The following NUP214 variants were observed in gnomAD, a reference collection of about 807,000 sequenced individuals.
NUP214 encodes the protein nuclear pore complex protein Nup214.
A neutral mutation model predicts 196.2 loss-of-function variants in NUP214; 79 were observed. The observed-to-expected ratio is 0.40, with a 90% CI of 0.34 to 0.49. NUP214 has a LOEUF of 0.49. Ranked by LOEUF, NUP214 falls within the 20% of genes least tolerant of loss-of-function variation. NUP214 has a pLI of 0.58. For synonymous variants in NUP214, 1,020 were observed against 990.5 expected (o/e 1.03, Z -0.56); for missense variants, 2,468 against 2,539.0 (o/e 0.97, Z 0.60).
chr9:131,139,374 G>T lies in NUP214; in HGVS notation c.1099G>T (p.Val367Leu), dbSNP rs150858876. 6.2e-7 allele frequency: 1 copy of T among 1,605,248 alleles called. No individual in the cohort carries two copies. The highest frequency in any genetic ancestry group is 1.4e-5 in the African/African-American group (1 of 73,932). Residue 367 changes from valine to leucine, a missense_variant, in exon 10 of 36, where the codon GTA becomes TTA. Physicochemically the swap from Val to Leu is conservative, Grantham distance 32. Transcript: ENST00000359428. Reference protein sequence around the residue: ...SDDSLPMGVVVDYTNQVEITI... With the variant: ...SDDSLPMGVVLDYTNQVEITI... ...TGACTCCTTGCCCATGGGAGTTGTCGTAGACTATACAAACCAAGTGGAAAT... is the reference window on the plus strand; with the variant it reads ...TGACTCCTTGCCCATGGGAGTTGTCTTAGACTATACAAACCAAGTGGAAAT...
In NUP214 at chr9:131,197,741, T is replaced by C. The variant is rs753376740; in HGVS notation, c.4247T>C (p.Val1416Ala). 6.2e-6 allele frequency: 10 copies of C among 1,614,206 alleles called. No individual in the cohort carries two copies. Among genetic ancestry groups the C allele is most frequent in the Non-Finnish European group, 8.5e-6 (10 of 1,180,034 alleles). The change falls in exon 29 of 36, where the codon GTC becomes GCC. Residue 1416 changes from valine to alanine, a missense_variant. By Grantham distance (64) the Val-to-Ala change is moderately conservative (BLOSUM62 0). Transcript: ENST00000359428. ...SSTAVFGSLP[V>A]TSAGSSGVIS... is the part of the protein sequence containing the mutation. ...ACTGCCGTTTTTGGCAGTCTGCCAG[T>C]CACCAGTGCAGGATCCTCTGGGGTC...
chr9:131,157,666 G>A (rs1403953329), intron 17 of NUP214, among the ~76,000 whole-genome samples: 1 of 151,794 alleles, frequency 6.6e-6, no homozygotes, highest in Non-Finnish European at 1.5e-5. Flanking sequence ...TTGTTTTGGA[G>A]ACAGGGTCTC....
rs1330767057 is a variant in NUP214, at chr9:131,129,452, T to G, written c.567T>G (p.Leu189=). 4.3e-6 allele frequency: 7 copies of G among 1,614,112 alleles called. No individual in the cohort carries two copies. In the Admixed American group the frequency reaches 1.2e-4, roughly 27 times the overall value. ...VTETVKVCAT[L]PSTVAVTSVC... is the part of the protein sequence containing the mutation. ...AAACAGTGAAAGTATGTGCAACTCTTCCTTCCACGGTAGCAGTAACCTCTG... is the reference window on the plus strand; with the variant it reads ...AAACAGTGAAAGTATGTGCAACTCTGCCTTCCACGGTAGCAGTAACCTCTG... The change falls in exon 4 of 36, where the codon CTT becomes CTG. Residue 189 remains leucine, a synonymous_variant. Coordinates refer to ENST00000359428, the MANE Select transcript of NUP214 (RefSeq NM_005085.4).
intron 31 of NUP214, 106 bp downstream of exon 31, chr9:131,215,474 A>G: frequency 4.8e-6 from 6 of 1,239,756 alleles, no homozygotes; most frequent in Non-Finnish European, 6.4e-6. Flanking sequence ...AAAAAAATCT[A>G]GAAGGCTCAT....
At chr9:131,227,476 G>T (rs1564221849) in intron 32 of NUP214, among the ~76,000 whole-genome samples, 1 of 150,550 alleles carries the variant, frequency 6.6e-6, no homozygotes, top group Non-Finnish European at 1.5e-5. Context: ...CAGGAAAAAA[G>T]CATTTAAAAA....
chr9:131,136,031 G>A lies in NUP214; in HGVS notation c.1005+25G>A, dbSNP rs368565513. The A allele has an allele frequency of 1.1e-5, 17 of 1,559,394 alleles. No individual in the cohort carries two copies. The African/African-American group carries it at 1.9e-4, about 17-fold the overall frequency. On this transcript the variant is annotated intron_variant, in intron 9 of 35. Coordinates refer to ENST00000359428, the MANE Select transcript of NUP214 (RefSeq NM_005085.4). ...GGTAAATCTCTTTTTTGTCACTTCT[G>A]TGGTGCTTTCTTTTTTAAATTATTA... is the stretch of plus-strand genomic sequence containing the variant.
rs780800291 is a variant in NUP214, at chr9:131,140,538, T to C, written c.1133-11T>C. 5.0e-6 allele frequency: 8 copies of C among 1,592,518 alleles called. No homozygotes were observed. The highest frequency in any genetic ancestry group is 6.8e-6 in the Non-Finnish European group (8 of 1,174,088). ...ACTTGGTTTTTTTATTTTTGTTTTC[T>C]TTTTTAACAGGTGATGAAAAGACTC... On this transcript the variant is annotated splice_polypyrimidine_tract_variant and intron_variant, in intron 10 of 35. Coordinates refer to ENST00000359428, the MANE Select transcript of NUP214 (RefSeq NM_005085.4).
At chr9:131,161,842 C>G (rs1365697276) in intron 18 of NUP214, among the ~76,000 whole-genome samples, 2 of 152,142 alleles carry the variant, frequency 1.3e-5, no homozygotes, top group Non-Finnish European at 2.9e-5. Flanking sequence ...ATGACATCAC[C>G]TATTACACAC....
At chr9:131,222,493 G>A in intron 31 of NUP214, 1 of 276,510 alleles carries the variant, frequency 3.6e-6, no homozygotes, top group Non-Finnish European at 6.8e-6. Flanking sequence ...CTTCTACAAA[G>A]GAGCCTTTTC....
At chr9:131,220,565 G>A (rs1432760692) in intron 31 of NUP214, among the ~76,000 whole-genome samples, 4 of 152,224 alleles carry the variant, frequency 2.6e-5, no homozygotes, top group Middle Eastern at 3.2e-3. Context: ...TTGAGATGTG[G>A]AAGGAAGAGG....
intron 1 of NUP214, chr9:131,127,063 G>A (rs1239316156): frequency 6.5e-6 from 1 of 153,160 alleles, no homozygotes. Context: ...ATGGATGACA[G>A]ACAAATTCAT....
chr9:131,163,698 T>C (rs778361484), intron 19 of NUP214, among the ~76,000 whole-genome samples, 172 bp from the exon 20 acceptor site: 8 of 152,208 alleles, frequency 5.3e-5, no homozygotes, highest in Non-Finnish European at 1.0e-4. Context: ...GTATATAATA[T>C]GATTGTGATC....
intron 34 of NUP214, among the ~76,000 whole-genome samples, chr9:131,231,007 T>A (rs1834861343): frequency 6.6e-6 from 1 of 152,068 alleles, no homozygotes; most frequent in Non-Finnish European, 1.5e-5. Context: ...ACAAAAAATG[T>A]TAAAATTCGC....
intron 11 of NUP214, 71 bp downstream of exon 11, chr9:131,140,781 A>G: frequency 1.0e-5 from 15 of 1,450,316 alleles, no homozygotes; most frequent in Non-Finnish European, 1.4e-5. Context: ...CCAAGAATGA[A>G]CATGGTGTGA....
chr9:131,168,907 C>T lies in NUP214; in HGVS notation c.2893+4763C>T, dbSNP rs934057674. On this transcript the variant is annotated intron_variant, in intron 21 of 35. Coordinates refer to ENST00000359428, the MANE Select transcript of NUP214 (RefSeq NM_005085.4). The stretch of plus-strand genomic sequence containing the variant: ...TACATGTATGTTTGTTGGTCTCATA[C>T]ACTGATTAGAAAGCACTACTGCCAC... Among the ~76,000 whole-genome samples the T allele has an allele frequency of 2.0e-5, 3 of 152,190 alleles. No individual in the cohort carries two copies. The East Asian group carries it at 5.8e-4, about 29-fold the overall frequency.
chr9:131,183,148 G>A (rs987411885), intron 24 of NUP214, among the ~76,000 whole-genome samples: 8 of 152,274 alleles, frequency 5.3e-5, no homozygotes, highest in Admixed American at 3.3e-4. Flanking sequence ...GCAGTGGTGC[G>A]ATTTCAGCTC....
chr9:131,127,974 G>T (rs891379601), intron 2 of NUP214, among the ~76,000 whole-genome samples: 15 of 152,192 alleles, frequency 9.9e-5, no homozygotes, highest in African/African-American at 3.4e-4. Context: ...TTGCTCAGTT[G>T]AACTTGGGCT....
intron 9 of NUP214, 64 bp downstream of exon 9, chr9:131,136,070 T>G (rs2133463839): frequency 1.5e-6 from 2 of 1,346,626 alleles, no homozygotes; most frequent in South Asian, 2.4e-5. Flanking sequence ...TGAGACAGTC[T>G]CGCTCTGTTG....
In NUP214 at chr9:131,228,111, C is replaced by T. The variant is rs544564777; in HGVS notation, c.5903-49C>T. ...TGCTCAATGTCTTCTCTTCCTGTCTCCTCCTTTCTTTCTCCCTATTTCTGT... is the reference window on the plus strand; with the variant it reads ...TGCTCAATGTCTTCTCTTCCTGTCTTCTCCTTTCTTTCTCCCTATTTCTGT... On this transcript the variant is annotated intron_variant, in intron 32 of 35. Transcript: ENST00000359428. 553 of 1,484,120 alleles carry T rather than the reference C, an allele frequency of 3.7e-4. 11 individuals are homozygous for T. In the South Asian group the frequency reaches 5.6e-3, roughly 15 times the overall value. The allele number at this position is 1,484,120 out of a possible 1,614,324, so 91.9% of individuals were successfully genotyped here. A position where few individuals can be genotyped will look rare whatever the true frequency, so the allele number is the denominator to read the frequency against.
Sources: gnomAD v4.1 joint callset for allele counts (sites outside exome capture counted in the v4.1 genomes callset) on GRCh38, gnomAD v4.1.1 for gene constraint, MANE v1.5 for transcripts, NCBI Gene and HGNC (gene_info 2026-07-23, HGNC 2026-07-21) for gene names.